The following COL10A1 variants were observed in gnomAD, a reference collection of about 807,000 sequenced individuals.
The protein encoded by COL10A1 is collagen type X alpha 1 chain, also known as collagen alpha-1(X) chain.
COL10A1 carries 10 observed loss-of-function variants against 18.2 expected under a neutral mutation model. That is an observed-to-expected ratio of 0.55 (90% CI 0.34 to 0.93). COL10A1 has a LOEUF of 0.93. Among genes scored for constraint, COL10A1 ranks in the 40% least tolerant of loss-of-function variants. COL10A1 has a pLI of 0.02. For missense variants in COL10A1, 897 were observed against 853.5 expected (o/e 1.05, Z -0.64); for synonymous variants, 330 against 316.6 (o/e 1.04, Z -0.45).
At chr6:116,139,317 G>A (rs1779705036) in intron 1 of COL10A1, among the ~76,000 whole-genome samples, 1 of 152,092 alleles carries the variant, frequency 6.6e-6, no homozygotes, top group African/African-American at 2.4e-5. Context: ...TGGTACAAAT[G>A]ATGATTAAAC....
At chr6:116,135,873 A>ATATATATGTATGTATG (rs1491111454) in intron 1 of COL10A1, among the ~76,000 whole-genome samples, 1 of 62,198 alleles carries the variant, frequency 1.6e-5, no homozygotes, top group African/African-American at 9.2e-5. Flanking sequence ...ATATATATAT[A>ATATATATGTATGTATG]CACACATACA....
At chr6:116,128,396 T>C (rs1779378497), upstream of COL10A1, among the ~76,000 whole-genome samples, 1 of 152,170 alleles carries the variant, frequency 6.6e-6, no homozygotes, top group South Asian at 2.1e-4. Context: ...TACTTGTAGC[T>C]GTTTGAAGTG....
At chr6:116,191,043 A>G in the COL10A1 span, among the ~76,000 whole-genome samples, 1 of 152,012 alleles carries the variant, frequency 6.6e-6, no homozygotes, top group Non-Finnish European at 1.5e-5. Flanking sequence ...GAAGTTGCAC[A>G]GTGAGTTGTT....
chr6:116,163,141 A>ATAT (rs1554197064), upstream of COL10A1, among the ~76,000 whole-genome samples: 111 of 88,392 alleles, frequency 1.3e-3, 1 homozygote, highest in East Asian at 0.013. Flanking sequence ...AAAAAAAAAA[A>ATAT]ATATATATAT....
chr6:116,137,519 G>A, intron 1 of COL10A1: 1 of 209,736 alleles, frequency 4.8e-6, no homozygotes, highest in South Asian at 9.1e-5. Context: ...TCTCCCTAAT[G>A]TATTTCACAG....
At chr6:116,187,537 G>A in the COL10A1 span, among the ~76,000 whole-genome samples, 2 of 152,070 alleles carry the variant, frequency 1.3e-5, no homozygotes, top group African/African-American at 4.8e-5. Flanking sequence ...GAAGATCACT[G>A]AACCGGAGAT....
chr6:116,144,882 C>T (rs1025446198), intron 1 of COL10A1, among the ~76,000 whole-genome samples: 1 of 152,044 alleles, frequency 6.6e-6, no homozygotes, highest in Non-Finnish European at 1.5e-5. Context: ...CAAAAACAGA[C>T]GTTTTCAAAC....
At chr6:116,192,045 C>T in the COL10A1 span, among the ~76,000 whole-genome samples, 1 of 151,958 alleles carries the variant, frequency 6.6e-6, no homozygotes, top group South Asian at 2.1e-4. Flanking sequence ...CCCGTTAGCC[C>T]ATTACTTAGG....
the COL10A1 span, among the ~76,000 whole-genome samples, chr6:116,169,715 T>A: frequency 6.8e-4 from 103 of 152,272 alleles, 2 homozygotes; most frequent in East Asian, 0.019. Context: ...ACCTCTTGGG[T>A]TTGAGATACC....
At chr6:116,141,533 C>T (rs1308191753) in intron 1 of COL10A1, among the ~76,000 whole-genome samples, 1 of 151,984 alleles carries the variant, frequency 6.6e-6, no homozygotes, top group Non-Finnish European at 1.5e-5. Context: ...AAAAACGTGG[C>T]ACCCTTGTGA....
chr6:116,173,201 A>T, the COL10A1 span, among the ~76,000 whole-genome samples: 2 of 152,226 alleles, frequency 1.3e-5, no homozygotes, highest in African/African-American at 4.8e-5. Flanking sequence ...GTTCATCTAA[A>T]GTGTAAACTA....
the COL10A1 span, among the ~76,000 whole-genome samples, chr6:116,178,957 G>A: frequency 6.6e-6 from 1 of 152,202 alleles, no homozygotes; most frequent in Admixed American, 6.5e-5. Context: ...CACAAAGACA[G>A]TGAACAGTAG....
chr6:116,214,080 T>A, the COL10A1 span, among the ~76,000 whole-genome samples: 1 of 152,086 alleles, frequency 6.6e-6, no homozygotes, highest in African/African-American at 2.4e-5. Context: ...AGAATTAAAA[T>A]TTTTAAGTAA....
the COL10A1 span, among the ~76,000 whole-genome samples, chr6:116,186,699 T>C: frequency 2.0e-5 from 3 of 152,244 alleles, no homozygotes; most frequent in South Asian, 2.1e-4. Context: ...TTTGCATTTC[T>C]CTAAGTGTGT....
the COL10A1 span, among the ~76,000 whole-genome samples, chr6:116,168,768 GA>G: frequency 6.6e-6 from 1 of 152,028 alleles, no homozygotes. Flanking sequence ...TTTCTACAGA[GA>G]AAAATGTTGA....
chr6:116,141,715 T>C (rs780143903), intron 1 of COL10A1, among the ~76,000 whole-genome samples: 3 of 151,998 alleles, frequency 2.0e-5, no homozygotes, highest in African/African-American at 2.4e-5. Context: ...AAAAGTTACT[T>C]TGCTTCTTAT....
the COL10A1 span, among the ~76,000 whole-genome samples, chr6:116,176,256 T>G: frequency 6.6e-6 from 1 of 152,198 alleles, no homozygotes; most frequent in Non-Finnish European, 1.5e-5. Flanking sequence ...AGCTAATGTT[T>G]CAGCTGTCCC....
chr6:116,145,091 T>C (rs79682156), intron 1 of COL10A1, among the ~76,000 whole-genome samples: 4,809 of 152,246 alleles, frequency 0.032, 259 homozygotes, highest in African/African-American at 0.11. Context: ...AGCAAAGTTA[T>C]AGGACATAAG....
At chr6:116,193,398 C>G in the COL10A1 span, among the ~76,000 whole-genome samples, 2 of 152,060 alleles carry the variant, frequency 1.3e-5, no homozygotes, top group Non-Finnish European at 2.9e-5. Context: ...AAGCAAAGAA[C>G]ACTGACGTTT....
Sources: gnomAD v4.1 joint callset for allele counts (sites outside exome capture counted in the v4.1 genomes callset) on GRCh38, gnomAD v4.1.1 for gene constraint, MANE v1.5 for transcripts, NCBI Gene and HGNC (gene_info 2026-07-23, HGNC 2026-07-21) for gene names.